Variants in MTA2 observed in about 807,000 individuals in gnomAD.
The protein encoded by MTA2 is metastasis-associated protein MTA2.
A neutral mutation model predicts 87.1 loss-of-function variants in MTA2; 22 were observed. The observed-to-expected ratio is 0.25, with a 90% CI of 0.18 to 0.36. MTA2 has a LOEUF of 0.36. Ranked by LOEUF, MTA2 falls within the 10% of genes least tolerant of loss-of-function variation. MTA2 has a pLI of 1.00. For synonymous variants in MTA2, 314 were observed against 310.1 expected (o/e 1.01, Z -0.13); for missense variants, 542 against 853.2 (o/e 0.64, Z 4.54).
Position 62,600,705 on chromosome 11 carries a change from G to T in MTA2, c.29-16C>A, listed in dbSNP as rs773179293. Reference sequence around the variant, plus strand: ...TAGACGTAATCTGTAAGGGAAGGGAGGGGGGAGAACCACGAAGATCAGAGG... The same window carrying T: ...TAGACGTAATCTGTAAGGGAAGGGATGGGGGAGAACCACGAAGATCAGAGG... On this transcript the variant is annotated splice_polypyrimidine_tract_variant and intron_variant, in intron 1 of 17. Transcript: ENST00000278823. 2.4e-5 allele frequency: 39 copies of T among 1,609,728 alleles called. No homozygotes were observed. The highest frequency in any genetic ancestry group is 4.4e-5 in the South Asian group (4 of 90,912).
Position 62,598,384 on chromosome 11 carries a change from T to C in MTA2, c.315A>G (p.Lys105=), listed in dbSNP as rs760970604. The C allele has an allele frequency of 3.7e-6, 6 of 1,614,104 alleles. No homozygotes were observed. In the South Asian group the frequency reaches 5.5e-5, roughly 15 times the overall value. Residue 105 remains lysine (K), a synonymous_variant, in exon 5 of 18, where the codon AAA becomes AAG. Transcript: ENST00000278823. ...ESLPATHIRG[K]CSVTLLNETD... is the part of the protein sequence containing the mutation. ...TCTCATTCAAGAGGGTCACACTGCA[T>C]TTCCCCCTATAGGAGAGAGATTGGA...
chr11:62,601,507 C>A lies in MTA2; in HGVS notation c.-57G>T. ...AAGGGGTCCGGGAGGCTCGCGGGGG[C>A]AGGGCTCGGCTCGAGGCAAAGCCCC... On this transcript the variant is annotated 5_prime_UTR_variant, in exon 1 of 18. Transcript: ENST00000278823. 6.3e-7 allele frequency: 1 copy of A among 1,575,082 alleles called. No homozygotes were observed. Among genetic ancestry groups the A allele is most frequent in the Admixed American group, 1.8e-5 (1 of 56,996 alleles).
chr11:62,596,311 G>C lies in MTA2; in HGVS notation c.984C>G (p.Asp328Glu). ...QQKRLKAAEADSKLKQVYIPT... is the reference protein window; with the variant it reads ...QQKRLKAAEAESKLKQVYIPT... ...GAATGTAGACCTGTTTCAGTTTGCT[G>C]TCTGCTTCAGCAGCTTTCAACCTTT... Residue 328 changes from aspartate to glutamate, a missense_variant, in exon 11 of 18, where the codon GAC (aspartate) becomes GAG (glutamate). Transcript: ENST00000278823. The C allele has an allele frequency of 1.2e-6, 2 of 1,614,158 alleles. No homozygotes were observed. Among genetic ancestry groups the C allele is most frequent in the Non-Finnish European group, 8.5e-7 (1 of 1,180,042 alleles).
At position 62,594,293 on chromosome 11, in the gene MTA2, T is replaced by G; in HGVS notation, c.1807A>C (p.Asn603His). ...TTTGTGGCCACAAACACCACAGGAT[T>G]GGGGGCATCAGCTGGGTTTAGTTTC... ...RQKLNPADAP[N>H]PVVFVATKDT... Residue 603 changes from asparagine (N) to histidine (H), a missense_variant, in exon 17 of 18, where the codon AAT becomes CAT. This residue lies in a region of MTA2 where 269 missense variants were observed against 346.4 expected (regional missense o/e 0.78). Coordinates refer to ENST00000278823, the MANE Select transcript of MTA2 (RefSeq NM_004739.4). The G allele has an allele frequency of 1.2e-6, 2 of 1,614,142 alleles. No individual in the cohort carries two copies. Among genetic ancestry groups the G allele is most frequent in the Middle Eastern group, 1.7e-4 (1 of 6,058 alleles).
intron 1 of MTA2, 143 bp downstream of exon 1, chr11:62,601,280 C>G (rs1475464986): frequency 9.4e-7 from 1 of 1,059,830 alleles, no homozygotes; most frequent in Non-Finnish European, 1.4e-6. Context: ...CCTCTCTCCT[C>G]GTCTCCCGGT....
chr11:62,594,130 GC>G, intron 17 of MTA2, 90 bp from the exon 18 acceptor site: 1 of 1,553,820 alleles, frequency 6.4e-7, no homozygotes, highest in Admixed American at 1.9e-5. Flanking sequence ...ATGCCTTCTG[GC>G]CCATTCTTTT....
At chr11:62,601,021 A>C in intron 1 of MTA2, 1 of 481,656 alleles carries the variant, frequency 2.1e-6, no homozygotes, top group African/African-American at 2.0e-5. Flanking sequence ...CAGGGCCCCT[A>C]CCTTTTCGAA....
rs763177245 is a variant in MTA2, at chr11:62,596,112, C to G, written c.1017-5G>C. The G allele has an allele frequency of 1.2e-5, 19 of 1,613,746 alleles. No individual in the cohort carries two copies. The South Asian group carries it at 2.0e-4, about 17-fold the overall frequency. ...TGGTTAGGGTTTGGCTTAGTGCTAA[C>G]GGGGAAGGCGAGGAGAAGGGAAAAA... On this transcript the variant is annotated splice_polypyrimidine_tract_variant and splice_region_variant and intron_variant, in intron 11 of 17. Transcript: ENST00000278823.
In MTA2 at chr11:62,597,970, T is replaced by A. The variant is rs1252179470; in HGVS notation, c.490+54A>T. 13 of 1,461,594 alleles carry A rather than the reference T, an allele frequency of 8.9e-6. No individual in the cohort carries two copies. The Admixed American group carries it at 2.2e-4, about 24-fold the overall frequency. The allele number at this position is 1,461,594 out of a possible 1,614,324, so 90.5% of individuals were successfully genotyped here. ...ATTCACAGAGACTATAATGTTAAAG[T>A]GCCCCTTGGAATTAGACAACCTGGT... On this transcript the variant is annotated intron_variant, in intron 6 of 17. Coordinates refer to ENST00000278823, the MANE Select transcript of MTA2 (RefSeq NM_004739.4).
chr11:62,593,818 G>A lies in MTA2; in HGVS notation c.*57C>T. Reference sequence around the variant, plus strand: ...TCGACACGAAAGGGAAGGGAGGTTTGGGTGCCCTGGGCATCCACCCTCTAC... The same window carrying A: ...TCGACACGAAAGGGAAGGGAGGTTTAGGTGCCCTGGGCATCCACCCTCTAC... On this transcript the variant is annotated 3_prime_UTR_variant, in exon 18 of 18. Coordinates refer to ENST00000278823, the MANE Select transcript of MTA2 (RefSeq NM_004739.4). The A allele has an allele frequency of 6.2e-7, 1 of 1,601,886 alleles. No individual in the cohort carries two copies. Among genetic ancestry groups the A allele is most frequent in the Non-Finnish European group, 8.5e-7 (1 of 1,171,464 alleles).
rs778803275 is a variant in MTA2 at position 62,596,724 on chromosome 11, C to T, written c.795G>A (p.Met265Ile). ...QGGPVLCRDE[M>I]EEWSASEAML... ...TGGCCTCTGAGGCTGACCATTCCTCCATCTCATCCCGACACAGCACCGGGC... is the reference window on the plus strand; with the variant it reads ...TGGCCTCTGAGGCTGACCATTCCTCTATCTCATCCCGACACAGCACCGGGC... The change falls in exon 9 of 18, where the codon ATG becomes ATA. Residue 265 changes from methionine (M) to isoleucine (I), a missense_variant. Coordinates refer to ENST00000278823, the MANE Select transcript of MTA2 (RefSeq NM_004739.4). 1.9e-6 allele frequency: 3 copies of T among 1,614,198 alleles called. No individual in the cohort carries two copies. Among genetic ancestry groups the T allele is most frequent in the Non-Finnish European group, 2.5e-6 (3 of 1,180,020 alleles).
rs566376138 is a variant in MTA2 at position 62,595,436 on chromosome 11, G to A, written c.1311C>T (p.Tyr437=). 20 of 1,614,250 alleles carry A rather than the reference G, an allele frequency of 1.2e-5. No homozygotes were observed. Among genetic ancestry groups the A allele is most frequent in the Non-Finnish European group, 1.7e-5 (20 of 1,180,048 alleles). The change falls in exon 14 of 18, where the codon TAC becomes TAT. Residue 437 remains tyrosine, a synonymous_variant. Transcript: ENST00000278823. This position sits in a 1 kb window ranked among gnomAD's most constrained non-coding sequence, Gnocchi z 4.9. ...GCTTGGCCCTGTTGGCGCTGGTTGT[G>A]TAAGGAGAGAGACTTTGAGCTTCAG... ...SRPEAQSLSP[Y]TTSANRAKLL... is the part of the protein sequence containing the mutation.
chr11:62,601,064 A>G, intron 1 of MTA2: 1 of 482,626 alleles, frequency 2.1e-6, no homozygotes, highest in Non-Finnish European at 3.6e-6. Context: ...GGAAGAGGAA[A>G]CCTCCGGGCG....
intron 17 of MTA2, 59 bp from the exon 18 acceptor site, chr11:62,594,099 G>A (rs994027467): frequency 1.3e-6 from 2 of 1,552,084 alleles, no homozygotes; most frequent in East Asian, 2.2e-5. Context: ...AGACCTCCAG[G>A]TGAAGCCCCA....
In MTA2 at chr11:62,595,947, A is replaced by G; in HGVS notation, c.1115-56T>C. On this transcript the variant is annotated intron_variant, in intron 12 of 17. Transcript: ENST00000278823. This position sits in a 1 kb window ranked among gnomAD's most constrained non-coding sequence, Gnocchi z 4.9. ...AAGAAGCATACTACCTAAGCCCCTCAGATTCTTGAGCCACAGCAGGCCTTC... is the reference window on the plus strand; with the variant it reads ...AAGAAGCATACTACCTAAGCCCCTCGGATTCTTGAGCCACAGCAGGCCTTC... 1 of 1,614,044 alleles carries G rather than the reference A, an allele frequency of 6.2e-7. No homozygotes were observed. Among genetic ancestry groups the G allele is most frequent in the East Asian group, 2.2e-5 (1 of 44,874 alleles).
rs749401721 is a variant in MTA2 at position 62,595,494 on chromosome 11, TAGA to T, written c.1255-5_1255-3del. Reference sequence around the variant, plus strand: ...TAAATGACCCCTTGAGTGTGGCTCCTAGAAGAAGAGCATAGGAAAGAGAGAGAG... The same window carrying T: ...TAAATGACCCCTTGAGTGTGGCTCCTAGAAGAGCATAGGAAAGAGAGAGAG... On this transcript the variant is annotated splice_region_variant and splice_polypyrimidine_tract_variant and intron_variant, in intron 13 of 17. Transcript: ENST00000278823. This position sits in a 1 kb window ranked among gnomAD's most constrained non-coding sequence, Gnocchi z 4.9. 159 of 1,614,026 alleles carry T rather than the reference TAGA, an allele frequency of 9.9e-5. 1 individual carries two copies. Among genetic ancestry groups the T allele is most frequent in the Middle Eastern group, 6.6e-4 (4 of 6,062 alleles).
rs150454040 is a variant in MTA2, at chr11:62,596,014, G to A, written c.1110C>T (p.Cys370=). The part of the protein sequence containing the change: ...GFQKGLTCES[C]HTTQSAQWYA... ...CCCAGTGCCCCCGTAACTCACTGTG[G>A]CAACTCTCACAAGTCAGGCCCTTCT... Residue 370 remains cysteine, a synonymous_variant, in exon 12 of 18, where the codon TGC becomes TGT. Transcript: ENST00000278823. The A allele has an allele frequency of 1.4e-5, 23 of 1,614,034 alleles. No individual in the cohort carries two copies. The highest frequency in any genetic ancestry group is 1.7e-5 in the Non-Finnish European group (20 of 1,180,034).
At chr11:62,594,454 ACTC>A in intron 16 of MTA2, 47 bp from the exon 17 acceptor site, 1 of 1,613,352 alleles carries the variant, frequency 6.2e-7, no homozygotes, top group Non-Finnish European at 8.5e-7. Flanking sequence ...ACCCTCTCAG[ACTC>A]CTATGAGAGA....
In MTA2 at chr11:62,596,341, T is replaced by C; in HGVS notation, c.958-4A>G. 6.2e-7 allele frequency: 1 copy of C among 1,614,018 alleles called. No individual in the cohort carries two copies. Among genetic ancestry groups the C allele is most frequent in the Non-Finnish European group, 8.5e-7 (1 of 1,179,990 alleles). On this transcript the variant is annotated splice_region_variant and splice_polypyrimidine_tract_variant and intron_variant, in intron 10 of 17. Coordinates refer to ENST00000278823, the MANE Select transcript of MTA2 (RefSeq NM_004739.4). The stretch of plus-strand genomic sequence containing the variant: ...CTTCAGCAGCTTTCAACCTTTTCTG[T>C]AAGAAGGTAAAAAGAAAGAGAAGGA...
Sources: allele counts gnomAD v4.1 joint callset, GRCh38; gene constraint gnomAD v4.1.1; regional missense constraint gnomAD v4.1.1; non-coding constraint Gnocchi (gnomAD v3.1); transcripts MANE v1.5; gene names NCBI Gene and HGNC (gene_info 2026-07-23, HGNC 2026-07-21).